The following MACROD2 variants were observed in gnomAD, a reference collection of about 807,000 sequenced individuals.
MACROD2 encodes ADP-ribose glycohydrolase MACROD2.
MACROD2 carries 36 observed loss-of-function variants against 70.4 expected under a neutral mutation model. The ratio of observed to expected loss-of-function variants is 0.51; its 90% CI spans 0.39 to 0.68. The LOEUF (loss-of-function observed/expected upper bound fraction) is 0.68, where lower values mean the gene tolerates loss of function less well. Ranked by LOEUF, MACROD2 falls within the 30% of genes least tolerant of loss-of-function variation. MACROD2 has a pLI of 0.00. For missense variants in MACROD2, 496 were observed against 538.4 expected (o/e 0.92, Z 0.78); for synonymous variants, 172 against 178.8 (o/e 0.96, Z 0.30).
intron 5 of MACROD2, among the ~76,000 whole-genome samples, chr20:15,218,992 T>G (rs1045742529): frequency 3.3e-5 from 5 of 151,576 alleles, no homozygotes; most frequent in East Asian, 2.0e-4. Context: ...CTTGCAGTGA[T>G]CCGAGATAGC....
At chr20:15,700,969 A>G (rs1276006235) in intron 8 of MACROD2, among the ~76,000 whole-genome samples, 2 of 152,216 alleles carry the variant, frequency 1.3e-5, no homozygotes, top group Non-Finnish European at 1.5e-5. Context: ...GAACCTATTA[A>G]AATACAGATC....
intron 6 of MACROD2, among the ~76,000 whole-genome samples, chr20:15,282,883 A>T (rs547539157): frequency 6.6e-6 from 1 of 152,304 alleles, no homozygotes; most frequent in South Asian, 2.1e-4. Context: ...CTATGAAGAA[A>T]TACCTAAAAC....
intron 8 of MACROD2, among the ~76,000 whole-genome samples, chr20:15,730,016 T>G (rs1304188130): frequency 6.6e-6 from 1 of 151,952 alleles, no homozygotes; most frequent in Non-Finnish European, 1.5e-5. Flanking sequence ...TCAGTAGAGA[T>G]GGGGTTTCAC....
chr20:14,543,127 A>G (rs534820873), intron 4 of MACROD2, among the ~76,000 whole-genome samples: 1 of 152,114 alleles, frequency 6.6e-6, no homozygotes, highest in Non-Finnish European at 1.5e-5. Context: ...CTCAAGGCAT[A>G]CATTCCAAGA....
At chr20:14,828,766 G>A (rs1468850779) in intron 5 of MACROD2, among the ~76,000 whole-genome samples, 1 of 151,994 alleles carries the variant, frequency 6.6e-6, no homozygotes, top group African/African-American at 2.4e-5. Flanking sequence ...GTTACATCAT[G>A]CTAATAACTA....
At chr20:14,960,325 A>G (rs1375634462) in intron 5 of MACROD2, among the ~76,000 whole-genome samples, 1 of 152,164 alleles carries the variant, frequency 6.6e-6, no homozygotes, top group African/African-American at 2.4e-5. Context: ...TCACTGGGAG[A>G]GAAGGTGGAG....
intron 4 of MACROD2, among the ~76,000 whole-genome samples, chr20:14,578,603 C>T (rs1019823878): frequency 4.6e-5 from 7 of 152,216 alleles, no homozygotes; most frequent in Admixed American, 1.3e-4. Flanking sequence ...CAACAGTGAA[C>T]CTAATTACAT....
At chr20:14,778,839 G>A (rs2072265438) in intron 5 of MACROD2, among the ~76,000 whole-genome samples, 1 of 152,084 alleles carries the variant, frequency 6.6e-6, no homozygotes, top group South Asian at 2.1e-4. Context: ...GAGTTGGACA[G>A]TACTTTCATG....
intron 4 of MACROD2, among the ~76,000 whole-genome samples, chr20:14,591,822 C>T (rs539721090): frequency 2.4e-4 from 37 of 152,078 alleles, no homozygotes; most frequent in Non-Finnish European, 4.4e-4. Context: ...CAACCATATA[C>T]CAAGCAGTGT....
At chr20:15,298,305 TA>T (rs2077609966) in intron 6 of MACROD2, among the ~76,000 whole-genome samples, 1 of 152,216 alleles carries the variant, frequency 6.6e-6, no homozygotes, top group South Asian at 2.1e-4. Flanking sequence ...GTTGACTCCT[TA>T]TTCTGTTCCA....
intron 10 of MACROD2, among the ~76,000 whole-genome samples, chr20:15,903,227 G>A (rs146934377): frequency 6.4e-4 from 98 of 152,220 alleles, no homozygotes; most frequent in African/African-American, 2.2e-3. Context: ...CTGTAATTCC[G>A]GCTACTTCAG....
intron 8 of MACROD2, among the ~76,000 whole-genome samples, chr20:15,656,010 A>G (rs1403026585): frequency 1.3e-5 from 2 of 152,102 alleles, no homozygotes; most frequent in East Asian, 3.9e-4. Flanking sequence ...AGTTACTTTT[A>G]CAGACACCAT....
chr20:15,243,247 G>C (rs1379284525), intron 6 of MACROD2, among the ~76,000 whole-genome samples: 1 of 152,122 alleles, frequency 6.6e-6, no homozygotes, highest in African/African-American at 2.4e-5. Flanking sequence ...GCACGAACTG[G>C]GATTCTTAAA....
chr20:15,789,547 A>T (rs1373017990), intron 8 of MACROD2, among the ~76,000 whole-genome samples: 1 of 152,180 alleles, frequency 6.6e-6, no homozygotes, highest in Non-Finnish European at 1.5e-5. Context: ...GAAGTTTCAG[A>T]AATATTCTGG....
chr20:14,551,216 T>C lies in MACROD2; in HGVS notation c.301+57708T>C, dbSNP rs532360939. Among the ~76,000 whole-genome samples the C allele has an allele frequency of 3.9e-5, 6 of 152,274 alleles. No individual in the cohort carries two copies. The East Asian group carries it at 1.2e-3, about 29-fold the overall frequency. On this transcript the variant is annotated intron_variant, in intron 4 of 17. Coordinates refer to ENST00000684519, the MANE Select transcript of MACROD2 (RefSeq NM_001351661.2). Reference sequence around the variant, plus strand: ...GATTTAATTTGTCCTAGGAATTGGATCCAAAATGTAATGGAATTGGTTCCT... The same window carrying C: ...GATTTAATTTGTCCTAGGAATTGGACCCAAAATGTAATGGAATTGGTTCCT...
intron 3 of MACROD2, among the ~76,000 whole-genome samples, chr20:14,095,547 G>C (rs1280179776): frequency 6.6e-6 from 1 of 152,160 alleles, no homozygotes; most frequent in Non-Finnish European, 1.5e-5. Flanking sequence ...AGTAGATCTA[G>C]AGCTTGTGTT....
At chr20:14,159,975 A>G (rs1420737327) in intron 3 of MACROD2, among the ~76,000 whole-genome samples, 2 of 152,036 alleles carry the variant, frequency 1.3e-5, no homozygotes, top group East Asian at 3.9e-4. Context: ...ATGTGTTGAG[A>G]TTATCATGTG....
rs572131892 is a variant in MACROD2, at chr20:14,719,515, G to T, written c.418+34556G>T. On this transcript the variant is annotated intron_variant, in intron 5 of 17. Transcript: ENST00000684519. ...AAGAAAGAAAGAAAAAGAAAATAAA[G>T]AAAGAAAAAGGGATGGGAATTTTGC... Among the ~76,000 whole-genome samples the T allele has an allele frequency of 2.6e-4, 39 of 150,448 alleles. No homozygotes were observed. The South Asian group carries it at 6.6e-3, about 25-fold the overall frequency.
intron 7 of MACROD2, among the ~76,000 whole-genome samples, chr20:15,476,744 C>A (rs757632963): frequency 1.2e-4 from 18 of 152,162 alleles, no homozygotes; most frequent in Non-Finnish European, 2.4e-4. Flanking sequence ...CCCTGTAAAG[C>A]ATTGCTATGG....
Sources: gnomAD v4.1 joint callset for allele counts (sites outside exome capture counted in the v4.1 genomes callset) on GRCh38, gnomAD v4.1.1 for gene constraint, MANE v1.5 for transcripts, NCBI Gene and HGNC (gene_info 2026-07-23, HGNC 2026-07-21) for gene names.